The following TASP1 variants were observed in gnomAD, a reference collection of about 807,000 sequenced individuals.
TASP1 encodes threonine aspartase 1.
Under a neutral mutation model 56.6 loss-of-function variants are expected in TASP1, and 16 were observed. The observed-to-expected ratio is 0.28, with a 90% CI of 0.19 to 0.43. The LOEUF is 0.43. Ranked by LOEUF, TASP1 falls within the 20% of genes least tolerant of loss-of-function variation. The probability of loss-of-function intolerance (pLI) is 1.00; values close to 1 mark genes in which losing one functional copy is unlikely to be tolerated. For synonymous variants in TASP1, 179 were observed against 184.2 expected (o/e 0.97, Z 0.23); for missense variants, 393 against 511.6 (o/e 0.77, Z 2.24).
chr20:13,123,129 G>A, the TASP1 span, among the ~76,000 whole-genome samples: 14 of 152,076 alleles, frequency 9.2e-5, no homozygotes, highest in Non-Finnish European at 2.1e-4. Context: ...TCAGGAGTTC[G>A]AGACCAGCCT....
At chr20:13,251,308 T>TA in the TASP1 span, among the ~76,000 whole-genome samples, 1 of 152,234 alleles carries the variant, frequency 6.6e-6, no homozygotes, top group Non-Finnish European at 1.5e-5. Flanking sequence ...GCTTTTATTG[T>TA]AAAAATGTTT....
intron 7 of TASP1, among the ~76,000 whole-genome samples, chr20:13,565,338 C>T (rs1249923682): frequency 1.3e-5 from 2 of 151,056 alleles, no homozygotes; most frequent in Non-Finnish European, 3.0e-5. Flanking sequence ...AAAACACAGA[C>T]AATAAAAGAA....
chr20:13,214,586 G>GAGAGAGAGAGAGAGAGAGAGAGAGAC, the TASP1 span, among the ~76,000 whole-genome samples: 1 of 150,536 alleles, frequency 6.6e-6, no homozygotes, highest in Non-Finnish European at 1.5e-5. Context: ...GAGAGAGAGA[G>GAGAGAGAGAGAGAGAGAGAGAGAGAC]AGACAGAAAG....
chr20:13,538,649 C>A (rs977756509), intron 8 of TASP1, among the ~76,000 whole-genome samples: 1 of 152,152 alleles, frequency 6.6e-6, no homozygotes, highest in African/African-American at 2.4e-5. Flanking sequence ...ATGGCTCCAG[C>A]TACAGGACAT....
intron 5 of TASP1, among the ~76,000 whole-genome samples, chr20:13,582,761 T>C (rs1347832368): frequency 6.6e-6 from 1 of 152,210 alleles, no homozygotes; most frequent in Non-Finnish European, 1.5e-5. Flanking sequence ...GTCAGACTAC[T>C]TTGTAACTGT....
Position 13,533,965 on chromosome 20 carries a change from C to A in TASP1, c.795+57G>T, listed in dbSNP as rs566363215. 10 of 1,543,870 alleles carry A rather than the reference C, an allele frequency of 6.5e-6. No homozygotes were observed. The South Asian group carries it at 1.1e-4, about 17-fold the overall frequency. On this transcript the variant is annotated intron_variant, in intron 9 of 13. Transcript: ENST00000337743. ...TTCCCACTGGTTAAAAAATTGTGAG[C>A]TAAAAATTCCATGCTTTACTTTGAA... is the stretch of plus-strand genomic sequence containing the variant.
At chr20:13,112,472 G>A in the TASP1 span, among the ~76,000 whole-genome samples, 1 of 152,174 alleles carries the variant, frequency 6.6e-6, no homozygotes, top group Non-Finnish European at 1.5e-5. Flanking sequence ...TACATCATGA[G>A]GCCAGCCCCG....
chr20:13,209,634 T>A, the TASP1 span, among the ~76,000 whole-genome samples: 1 of 152,190 alleles, frequency 6.6e-6, no homozygotes, highest in East Asian at 1.9e-4. Context: ...GACACCCCCG[T>A]GGATTTATTC....
chr20:13,157,985 AG>A, the TASP1 span, among the ~76,000 whole-genome samples: 1 of 152,242 alleles, frequency 6.6e-6, no homozygotes, highest in Non-Finnish European at 1.5e-5. Flanking sequence ...TTTTGAACAA[AG>A]CCTTGTTATA....
chr20:13,198,282 G>A, the TASP1 span, among the ~76,000 whole-genome samples: 1 of 152,116 alleles, frequency 6.6e-6, no homozygotes, highest in Non-Finnish European at 1.5e-5. Flanking sequence ...GAGACTGGAA[G>A]TCTGAGATTG....
At chr20:13,461,742 C>G (rs1005337856) in intron 11 of TASP1, among the ~76,000 whole-genome samples, 4 of 152,190 alleles carry the variant, frequency 2.6e-5, no homozygotes, top group Non-Finnish European at 5.9e-5. Context: ...TTTGCCAACC[C>G]CCAGTGTAGG....
At chr20:13,455,245 T>C (rs2043786294) in intron 11 of TASP1, among the ~76,000 whole-genome samples, 1 of 152,158 alleles carries the variant, frequency 6.6e-6, no homozygotes. Flanking sequence ...TTAACTCCTT[T>C]CCTTCATTTG....
At chr20:13,320,735 G>T in the TASP1 span, among the ~76,000 whole-genome samples, 1 of 152,224 alleles carries the variant, frequency 6.6e-6, no homozygotes, top group East Asian at 1.9e-4. Context: ...TCCATTTCAT[G>T]GTCTAAGATG....
the TASP1 span, chr20:13,164,949 T>A: frequency 4.2e-6 from 5 of 1,200,666 alleles, no homozygotes; most frequent in Non-Finnish European, 4.7e-6. Context: ...AATGGATTTC[T>A]CCCCCTTCCT....
At chr20:13,558,506 T>C (rs1184464640) in intron 8 of TASP1, among the ~76,000 whole-genome samples, 1 of 152,078 alleles carries the variant, frequency 6.6e-6, no homozygotes, top group Non-Finnish European at 1.5e-5. Flanking sequence ...AATTTTTAAT[T>C]TTATAAAATT....
At chr20:13,600,153 T>C (rs1289744776) in intron 4 of TASP1, among the ~76,000 whole-genome samples, 1 of 152,074 alleles carries the variant, frequency 6.6e-6, no homozygotes, top group Non-Finnish European at 1.5e-5. Context: ...TGGAAAGAAA[T>C]ACTATGTTCA....
chr20:13,167,085 G>A, the TASP1 span: 1 of 152,192 alleles, frequency 6.6e-6, no homozygotes, highest in East Asian at 1.9e-4. Context: ...AATCCAAGTA[G>A]AATGCTTCCA....
At chr20:13,224,877 G>A in the TASP1 span, among the ~76,000 whole-genome samples, 4 of 115,268 alleles carry the variant, frequency 3.5e-5, no homozygotes, top group Admixed American at 1.2e-4. Context: ...ACGCAGTCTT[G>A]CTCTGTCGCC....
intron 5 of TASP1, among the ~76,000 whole-genome samples, chr20:13,581,567 C>T (rs1220653497): frequency 6.6e-6 from 1 of 152,136 alleles, no homozygotes; most frequent in Non-Finnish European, 1.5e-5. Flanking sequence ...AGATTGTAAC[C>T]TAAAATGTGG....
Sources: allele counts gnomAD v4.1 joint callset (sites outside exome capture counted in the v4.1 genomes callset), GRCh38; gene constraint gnomAD v4.1.1; transcripts MANE v1.5; gene names NCBI Gene and HGNC (gene_info 2026-07-23, HGNC 2026-07-21).